GLIS3: variants seen among roughly 807,000 people sequenced by gnomAD.
GLIS3 encodes zinc finger protein GLIS3.
GLIS3 carries 53 observed loss-of-function variants against 78.6 expected under a neutral mutation model. The observed-to-expected ratio is 0.67, with a 90% CI of 0.54 to 0.85. The LOEUF is 0.85. Ranked by LOEUF, GLIS3 falls within the 40% of genes least tolerant of loss-of-function variation. The probability of loss-of-function intolerance (pLI) is 0.00; values close to 1 mark genes in which losing one functional copy is unlikely to be tolerated. For missense variants in GLIS3, 1,703 were observed against 1,231.1 expected (o/e 1.38, Z -5.74); for synonymous variants, 684 against 509.9 (o/e 1.34, Z -4.60).
At chr9:4,388,495 G>C in the GLIS3 span, among the ~76,000 whole-genome samples, 1 of 152,116 alleles carries the variant, frequency 6.6e-6, no homozygotes, top group Middle Eastern at 3.4e-3. Context: ...TGACCAATTG[G>C]TGAAACCCTG....
intron 4 of GLIS3, among the ~76,000 whole-genome samples, chr9:4,096,758 T>C (rs1290284507): frequency 1.3e-5 from 2 of 152,138 alleles, no homozygotes; most frequent in Non-Finnish European, 2.9e-5. Flanking sequence ...AAGCCTGTAA[T>C]CCCAGCACTT....
At chr9:4,138,197 A>G (rs1276888037) in intron 2 of GLIS3, among the ~76,000 whole-genome samples, 1 of 152,210 alleles carries the variant, frequency 6.6e-6, no homozygotes, top group Non-Finnish European at 1.5e-5. Context: ...TACTGTGGAA[A>G]AAGAGGACTT....
the GLIS3 span, among the ~76,000 whole-genome samples, chr9:4,438,074 C>T: frequency 1.3e-5 from 2 of 152,162 alleles, no homozygotes; most frequent in East Asian, 3.8e-4. Flanking sequence ...CAATGGTCAG[C>T]TGTAGTTGAG....
At chr9:4,247,261 G>A (rs539219238) in intron 2 of GLIS3, among the ~76,000 whole-genome samples, 24 of 152,020 alleles carry the variant, frequency 1.6e-4, no homozygotes, top group Non-Finnish European at 2.9e-4. Flanking sequence ...TTGTTTTAAG[G>A]GGATATAGCC....
At chr9:4,198,513 A>G (rs1819070232) in intron 2 of GLIS3, among the ~76,000 whole-genome samples, 1 of 152,214 alleles carries the variant, frequency 6.6e-6, no homozygotes, top group Non-Finnish European at 1.5e-5. Context: ...ACTAAAGAAA[A>G]AAAGAATTTT....
chr9:4,321,920 G>C (rs1817535037), intron 2 of GLIS3, among the ~76,000 whole-genome samples: 1 of 152,066 alleles, frequency 6.6e-6, no homozygotes, highest in African/African-American at 2.4e-5. Context: ...GGGTACACGT[G>C]CATAACCTGC....
At chr9:4,109,806 C>G (rs1226974204) in intron 4 of GLIS3, among the ~76,000 whole-genome samples, 3 of 152,176 alleles carry the variant, frequency 2.0e-5, no homozygotes, top group Non-Finnish European at 2.9e-5. Flanking sequence ...GTTTCTTCCT[C>G]TGTGCTCTTT....
At chr9:4,285,749 T>C (rs181834120) in intron 2 of GLIS3, 60 of 430,950 alleles carry the variant, frequency 1.4e-4, no homozygotes, top group African/African-American at 1.0e-3. Context: ...GCTCTTACCC[T>C]TCCACCACAA....
chr9:4,100,834 A>G (rs1586668328), intron 4 of GLIS3, among the ~76,000 whole-genome samples: 1 of 152,202 alleles, frequency 6.6e-6, no homozygotes, highest in Non-Finnish European at 1.5e-5. Flanking sequence ...CCTGGGGTAG[A>G]AACTGCCCCC....
At position 4,253,912 on chromosome 9, in the gene GLIS3, T is replaced by A. The variant is rs1824656278; in HGVS notation, c.388+32126A>T. ...GGGTAAGGTGACGCCCCACCCTGCT[T>A]CAACTCTCCCTCCATGGGCTGCACT... On this transcript the variant is annotated intron_variant, in intron 2 of 10. Transcript: ENST00000381971. Among the ~76,000 whole-genome samples the A allele has an allele frequency of 2.6e-5, 4 of 152,114 alleles. No individual in the cohort carries two copies. In the South Asian group the frequency reaches 6.2e-4, roughly 24 times the overall value.
chr9:4,130,636 G>C (rs532873982), intron 2 of GLIS3, among the ~76,000 whole-genome samples: 1 of 152,352 alleles, frequency 6.6e-6, no homozygotes, highest in South Asian at 2.1e-4. Context: ...AAGAGTTGAG[G>C]CTTGGAAGCT....
chr9:4,378,425 T>C, the GLIS3 span, among the ~76,000 whole-genome samples: 1 of 152,126 alleles, frequency 6.6e-6, no homozygotes, highest in Non-Finnish European at 1.5e-5. Flanking sequence ...TGTTTGTTTA[T>C]ATTTTTTTCT....
At chr9:4,054,299 C>A (rs115218165) in intron 4 of GLIS3, 8 of 979,588 alleles carry the variant, frequency 8.2e-6, no homozygotes, top group Admixed American at 6.2e-5. Context: ...CTGCAAACAA[C>A]GTACTCTACA....
intron 4 of GLIS3, among the ~76,000 whole-genome samples, chr9:3,953,795 C>CTCTCTATATATATATATA (rs1403671770): frequency 8.2e-5 from 6 of 73,340 alleles, no homozygotes; most frequent in African/African-American, 2.8e-4. Flanking sequence ...CTCTCTCTCT[C>CTCTCTATATATATATATA]TATATATATA....
At chr9:4,360,601 T>C in the GLIS3 span, among the ~76,000 whole-genome samples, 2 of 152,178 alleles carry the variant, frequency 1.3e-5, 1 homozygote, top group East Asian at 3.8e-4. Context: ...ACCCATTTTA[T>C]AAAAGAAAAA....
chr9:4,405,377 G>C, the GLIS3 span, among the ~76,000 whole-genome samples: 2 of 149,194 alleles, frequency 1.3e-5, no homozygotes, highest in Non-Finnish European at 3.0e-5. Flanking sequence ...AAAAGAAAAA[G>C]AAAAAAGAAA....
Position 4,312,268 on chromosome 9 carries a change from G to C in GLIS3, n.265-1740C>G, listed in dbSNP as rs544984417. Among the ~76,000 whole-genome samples, 5 of 152,332 alleles carry C rather than the reference G, an allele frequency of 3.3e-5. No homozygotes were observed. The East Asian group carries it at 5.8e-4, about 18-fold the overall frequency. ...GGATCACTTGAGGTCAGGAGTTCAA[G>C]ACCATCCTGGCCAACATGGCAAAAC... On this transcript the variant is annotated intron_variant and non_coding_transcript_variant, in intron 2 of 4. Transcript: ENST00000471664.
chr9:4,226,936 T>A (rs1306969099), intron 2 of GLIS3, among the ~76,000 whole-genome samples: 1 of 152,222 alleles, frequency 6.6e-6, no homozygotes, highest in Non-Finnish European at 1.5e-5. Flanking sequence ...GAATTATTCA[T>A]GCTTAAGAGG....
intron 4 of GLIS3, among the ~76,000 whole-genome samples, chr9:3,953,546 A>T (rs545038332): frequency 6.6e-6 from 1 of 152,302 alleles, no homozygotes; most frequent in Admixed American, 6.5e-5. Context: ...ACAATGACAC[A>T]GTAATATAGA....
Sources: allele counts gnomAD v4.1 joint callset (sites outside exome capture counted in the v4.1 genomes callset), GRCh38; gene constraint gnomAD v4.1.1; transcripts MANE v1.5; gene names NCBI Gene and HGNC (gene_info 2026-07-23, HGNC 2026-07-21).